The following CASZ1 variants were observed in gnomAD, a reference collection of about 807,000 sequenced individuals.
CASZ1 encodes castor zinc finger 1, also known as zinc finger protein castor homolog 1.
Under a neutral mutation model 135.2 loss-of-function variants are expected in CASZ1, and 28 were observed. The observed-to-expected ratio is 0.21, with a 90% CI of 0.15 to 0.28. CASZ1 has a LOEUF of 0.28. Among genes scored for constraint, CASZ1 ranks in the 10% least tolerant of loss-of-function variants. The pLI is 1.00. For missense variants in CASZ1, 2,161 were observed against 2,453.3 expected (o/e 0.88, Z 2.52); for synonymous variants, 1,068 against 1,073.4 (o/e 0.99, Z 0.10).
At chr1:10,785,050 T>TCTTGCTTG (rs368098117) in intron 1 of CASZ1, among the ~76,000 whole-genome samples, 1 of 145,220 alleles carries the variant, frequency 6.9e-6, no homozygotes, top group Non-Finnish European at 1.5e-5. Flanking sequence ...TTGCTTGCTT[T>TCTTGCTTG]CTTTCTGTCT....
rs112136460 is a variant in CASZ1 at position 10,666,995 on chromosome 1, C to A, written c.17-1424G>T. Among the ~76,000 whole-genome samples the A allele has an allele frequency of 2.6e-5, 4 of 152,176 alleles. No homozygotes were observed. The highest frequency in any genetic ancestry group is 4.4e-5 in the Non-Finnish European group (3 of 68,028). On this transcript the variant is annotated intron_variant, in intron 4 of 20. Transcript: ENST00000377022. The surrounding 1 kb of genome is among the most constrained non-coding windows in gnomAD (Gnocchi z 5.2). ...CCATGGCCCTCACGGGAGGAATGGG[C>A]GTGTCAGAGTCTCCACATAGGCGGG... is the stretch of plus-strand genomic sequence containing the variant.
chr1:10,753,618 T>G (rs205482), intron 2 of CASZ1, among the ~76,000 whole-genome samples: 72,505 of 151,504 alleles, frequency 0.48, 19,675 homozygotes, highest in African/African-American at 0.76. Context: ...CGGGTGGGGG[T>G]CTGCTTAAAG....
rs990497314 is a variant in CASZ1 at position 10,707,727 on chromosome 1, C to G, written c.-76-2183G>C. On this transcript the variant is annotated intron_variant, in intron 2 of 20. Transcript: ENST00000377022. This position sits in a 1 kb window ranked among gnomAD's most constrained non-coding sequence, Gnocchi z 5.0. ...GAAGTAGCTGAGAGTTCATCTTGGTCTCTTCTTCCTTCTCTGGGCATCTTT... is the reference window on the plus strand; with the variant it reads ...GAAGTAGCTGAGAGTTCATCTTGGTGTCTTCTTCCTTCTCTGGGCATCTTT... Among the ~76,000 whole-genome samples, 6 of 152,166 alleles carry G rather than the reference C, an allele frequency of 3.9e-5. No individual in the cohort carries two copies. The highest frequency in any genetic ancestry group is 1.4e-4 in the African/African-American group (6 of 41,432).
At position 10,647,468 on chromosome 1, in the gene CASZ1, C is replaced by T; in HGVS notation, c.3497+333G>A. ...CAATACGGAGGCTCGGAGGGAGACGCAGCCCTCCTTGTCAGGCTGGGAGTT... is the reference window on the plus strand; with the variant it reads ...CAATACGGAGGCTCGGAGGGAGACGTAGCCCTCCTTGTCAGGCTGGGAGTT... On this transcript the variant is annotated intron_variant, in intron 16 of 20. Coordinates refer to ENST00000377022, the MANE Select transcript of CASZ1 (RefSeq NM_001079843.3). The surrounding 1 kb of genome is among the most constrained non-coding windows in gnomAD (Gnocchi z 4.9). 4 of 1,228,528 alleles carry T rather than the reference C, an allele frequency of 3.3e-6. No homozygotes were observed. Among genetic ancestry groups the T allele is most frequent in the South Asian group, 1.7e-5 (1 of 57,322 alleles). The allele number at this position is 1,228,528 out of a possible 1,614,324, so 76.1% of individuals were successfully genotyped here. A position where few individuals can be genotyped will look rare whatever the true frequency, so the allele number is the denominator to read the frequency against.
rs1639574022 is a variant in CASZ1, at chr1:10,725,133, C to G, written c.-76-19589G>C. 6.6e-6 allele frequency among the ~76,000 whole-genome samples: 1 copy of G among 152,112 alleles called. No homozygotes were observed. The highest frequency in any genetic ancestry group is 2.4e-5 in the African/African-American group (1 of 41,412). On this transcript the variant is annotated intron_variant, in intron 2 of 20. Transcript: ENST00000377022. This position sits in a 1 kb window ranked among gnomAD's most constrained non-coding sequence, Gnocchi z 4.4. ...GGCTCCCCTCGGTGGGGGTAGGATT[C>G]CCTAGTTGGCCAGGGAGCCCTGGAT...
chr1:10,691,662 C>T (rs991538652), intron 4 of CASZ1, among the ~76,000 whole-genome samples: 40 of 152,306 alleles, frequency 2.6e-4, no homozygotes, highest in Admixed American at 2.4e-3. Context: ...AGCTGTATGC[C>T]GTGTGCACTA....
At position 10,732,320 on chromosome 1, in the gene CASZ1, C is replaced by CAAAA. The variant is rs779997881; in HGVS notation, c.-76-26780_-76-26777dup. Among the ~76,000 whole-genome samples the CAAAA allele has an allele frequency of 5.8e-3, 381 of 65,538 alleles. 15 individuals are homozygous for CAAAA. The East Asian group carries it at 0.13, about 22-fold the overall frequency. 43.0% of individuals were successfully genotyped at this position (65,538 alleles called of 152,430 possible). A position where few individuals can be genotyped will look rare whatever the true frequency, so the allele number is the denominator to read the frequency against. ...TGGGTGACAGAGCAAGACTCCGTCT[C>CAAAA]AAAAAAAAAAAAAAAAGAAAATATA... On this transcript the variant is annotated intron_variant, in intron 2 of 20. Coordinates refer to ENST00000377022, the MANE Select transcript of CASZ1 (RefSeq NM_001079843.3).
chr1:10,677,843 C>T (rs1188980730), intron 4 of CASZ1, among the ~76,000 whole-genome samples: 1 of 152,258 alleles, frequency 6.6e-6, no homozygotes, highest in Non-Finnish European at 1.5e-5. Context: ...TTGAGCCACA[C>T]ATGGCCCAGT....
intron 1 of CASZ1, among the ~76,000 whole-genome samples, chr1:10,778,316 ACT>A (rs993261406): frequency 2.0e-5 from 3 of 151,710 alleles, no homozygotes; most frequent in African/African-American, 4.8e-5. Flanking sequence ...ACAAGCACAC[ACT>A]CTCACACAAC....
chr1:10,772,459 G>T (rs1326255941), intron 1 of CASZ1, among the ~76,000 whole-genome samples: 3 of 152,160 alleles, frequency 2.0e-5, no homozygotes, highest in Non-Finnish European at 4.4e-5. Context: ...CAGGAGCAGG[G>T]TGTCCCTGCT....
intron 3 of CASZ1, among the ~76,000 whole-genome samples, chr1:10,695,809 G>T (rs909996051): frequency 2.6e-5 from 4 of 152,162 alleles, no homozygotes; most frequent in Non-Finnish European, 2.9e-5. Flanking sequence ...ATATGTTGGT[G>T]ACTTAAGTGA....
rs1640392323 is a variant in CASZ1, at chr1:10,762,228, G to A, written c.-233-1371C>T. On this transcript the variant is annotated intron_variant, in intron 1 of 20. Transcript: ENST00000377022. This position sits in a 1 kb window ranked among gnomAD's most constrained non-coding sequence, Gnocchi z 4.1. Reference sequence around the variant, plus strand: ...TGCCACCGAGACCAGCTCCCTGGGGGAGGCCATCAGGGGTGGACAGCATCC... The same window carrying A: ...TGCCACCGAGACCAGCTCCCTGGGGAAGGCCATCAGGGGTGGACAGCATCC... 6.6e-6 allele frequency among the ~76,000 whole-genome samples: 1 copy of A among 150,970 alleles called. No homozygotes were observed. The highest frequency in any genetic ancestry group is 2.5e-5 in the African/African-American group (1 of 40,810).
intron 4 of CASZ1, among the ~76,000 whole-genome samples, chr1:10,677,208 C>T (rs149861180): frequency 1.5e-3 from 221 of 152,272 alleles, no homozygotes; most frequent in African/African-American, 5.2e-3. Context: ...CTGGAAGGAA[C>T]GCCAGGAGCT....
Position 10,767,139 on chromosome 1 carries a change from C to G in CASZ1, c.-233-6282G>C, listed in dbSNP as rs893516809. On this transcript the variant is annotated intron_variant, in intron 1 of 20. Coordinates refer to ENST00000377022, the MANE Select transcript of CASZ1 (RefSeq NM_001079843.3). This position sits in a 1 kb window ranked among gnomAD's most constrained non-coding sequence, Gnocchi z 4.2. ...GGGGAAAAGATGGGGCCCGGTCGTC[C>G]GCATTCCTCATGAGTTCCTGATGGG... 6.6e-6 allele frequency among the ~76,000 whole-genome samples: 1 copy of G among 152,282 alleles called. No individual in the cohort carries two copies. The highest frequency in any genetic ancestry group is 2.1e-4 in the South Asian group (1 of 4,816).
intron 1 of CASZ1, among the ~76,000 whole-genome samples, chr1:10,779,690 T>C (rs1640728308): frequency 6.6e-6 from 1 of 152,252 alleles, no homozygotes; most frequent in African/African-American, 2.4e-5. Flanking sequence ...ATATAGTTTC[T>C]CTCGCAGCGT....
rs1298141509 is a variant in CASZ1 at position 10,657,566 on chromosome 1, G to A, written c.1410-830C>T. Among the ~76,000 whole-genome samples, 1 of 152,108 alleles carries A rather than the reference G, an allele frequency of 6.6e-6. No individual in the cohort carries two copies. The highest frequency in any genetic ancestry group is 2.4e-5 in the African/African-American group (1 of 41,404). On this transcript the variant is annotated intron_variant, in intron 7 of 20. Coordinates refer to ENST00000377022, the MANE Select transcript of CASZ1 (RefSeq NM_001079843.3). This position sits in a 1 kb window ranked among gnomAD's most constrained non-coding sequence, Gnocchi z 5.7. ...CATCTGCGGAGGCACTAATAATAATGGTAATAATAATACCACAGAGGAGAC... is the reference window on the plus strand; with the variant it reads ...CATCTGCGGAGGCACTAATAATAATAGTAATAATAATACCACAGAGGAGAC...
chr1:10,745,765 TA>T (rs1640027880), intron 2 of CASZ1, among the ~76,000 whole-genome samples: 1 of 152,206 alleles, frequency 6.6e-6, no homozygotes, highest in African/African-American at 2.4e-5. Flanking sequence ...TCTCTGGCCA[TA>T]GGGCACCTAT....
chr1:10,715,053 G>A (rs1176684721), intron 2 of CASZ1, among the ~76,000 whole-genome samples: 1 of 152,166 alleles, frequency 6.6e-6, no homozygotes, highest in Non-Finnish European at 1.5e-5. Context: ...GAGCACACGG[G>A]CTCCACCTTT....
rs1050964368 is a variant in CASZ1, at chr1:10,684,497, G to A, written c.16+9377C>T. On this transcript the variant is annotated intron_variant, in intron 4 of 20. Coordinates refer to ENST00000377022, the MANE Select transcript of CASZ1 (RefSeq NM_001079843.3). ...AGTCCTCCTCCTGAACAGAGACATGGTCCATTCAGGAGGTGCCTGGGCTCT... is the reference window on the plus strand; with the variant it reads ...AGTCCTCCTCCTGAACAGAGACATGATCCATTCAGGAGGTGCCTGGGCTCT... 5.9e-5 allele frequency among the ~76,000 whole-genome samples: 9 copies of A among 152,318 alleles called. 1 individual carries two copies. In the South Asian group the frequency reaches 1.9e-3, roughly 32 times the overall value.
Sources: gnomAD v4.1 joint callset for allele counts (sites outside exome capture counted in the v4.1 genomes callset) on GRCh38, gnomAD v4.1.1 for gene constraint, Gnocchi (gnomAD v3.1) non-coding constraint, MANE v1.5 for transcripts, NCBI Gene and HGNC (gene_info 2026-07-23, HGNC 2026-07-21) for gene names.